AS3MT: variants seen among roughly 807,000 people sequenced by gnomAD.
AS3MT encodes S-adenosyl-L-methionine:arsenic(III) methyltransferase.
AS3MT carries 47 observed loss-of-function variants against 45.3 expected under a neutral mutation model. That is an observed-to-expected ratio of 1.04 (90% confidence interval 0.82 to 1.32). The LOEUF (loss-of-function observed/expected upper bound fraction) is 1.32. AS3MT is among the 40% of genes most tolerant of loss of function. AS3MT has a pLI of 0.00. For synonymous variants in AS3MT, 141 were observed against 152.8 expected, an observed-to-expected ratio of 0.92 and a Z score of 0.57; for missense variants, 396 against 451.1, an observed-to-expected ratio of 0.88 and a Z score of 1.11.
chr10:102,879,062 G>C lies in AS3MT; in HGVS notation c.885+71G>C. ...GCCCTTGCTCCAGCTATCTTTTCTTGACTTTGCATTGCCTCCCATTTTTCT... is the reference window on the plus strand; with the variant it reads ...GCCCTTGCTCCAGCTATCTTTTCTTCACTTTGCATTGCCTCCCATTTTTCT... On this transcript the variant is annotated intron_variant, in intron 9 of 10. Coordinates refer to ENST00000369880, the MANE Select transcript of AS3MT (RefSeq NM_020682.4). The C allele has an allele frequency of 2.0e-6, 3 of 1,492,326 alleles. No homozygotes were observed. In the South Asian group the frequency reaches 3.9e-5, roughly 19 times the overall value. The allele number at this position is 1,492,326 out of a possible 1,614,324, so 92.4% of individuals were successfully genotyped here.
chr10:102,889,614 G>GCCTGCCTGCCTTCCTTCCTTCCTT (rs559139049), intron 9 of AS3MT, among the ~76,000 whole-genome samples: 7 of 113,954 alleles, frequency 6.1e-5, no homozygotes, highest in Admixed American at 2.0e-4. Flanking sequence ...CTGTCTGCCT[G>GCCTGCCTGCCTTCCTTCCTTCCTT]CCTTCCTTCC....
At chr10:102,878,580 G>C (rs1844824333) in intron 8 of AS3MT, 70 bp downstream of exon 8, 1 of 1,570,180 alleles carries the variant, frequency 6.4e-7, no homozygotes, top group South Asian at 1.1e-5. Context: ...TGATTAGTAA[G>C]TAACTTCTGA....
chr10:102,869,746 T>G, intron 1 of AS3MT, 59 bp from the exon 2 acceptor site: 4 of 1,611,630 alleles, frequency 2.5e-6, no homozygotes, highest in Non-Finnish European at 3.4e-6. Context: ...ACTGGCCCCC[T>G]CCCTCATGCC....
chr10:102,878,234 GA>G, intron 7 of AS3MT, 144 bp from the exon 8 acceptor site: 2 of 1,180,394 alleles, frequency 1.7e-6, no homozygotes, highest in Non-Finnish European at 2.3e-6. Flanking sequence ...CTAGACCTTG[GA>G]GGGATGCTCA....
intron 4 of AS3MT, among the ~76,000 whole-genome samples, 177 bp from the exon 5 acceptor site, chr10:102,872,920 C>T (rs556727259): frequency 1.6e-4 from 25 of 152,240 alleles, no homozygotes; most frequent in African/African-American, 4.3e-4. Context: ...CCAAACTGCA[C>T]GGGCAGCAGG....
intron 7 of AS3MT, among the ~76,000 whole-genome samples, chr10:102,878,041 G>A (rs912606759): frequency 7.2e-5 from 11 of 152,064 alleles, no homozygotes; most frequent in East Asian, 5.8e-4. Flanking sequence ...ATGAGCCACC[G>A]CGCTCGGCCT....
intron 3 of AS3MT, among the ~76,000 whole-genome samples, 181 bp from the exon 4 acceptor site, chr10:102,872,267 C>T (rs781444347): frequency 3.9e-5 from 6 of 152,208 alleles, no homozygotes; most frequent in Non-Finnish European, 7.3e-5. Context: ...GATACAGTCC[C>T]AGCCTTCATG....
chr10:102,879,680 A>G (rs189096958), intron 9 of AS3MT, among the ~76,000 whole-genome samples: 10 of 151,198 alleles, frequency 6.6e-5, no homozygotes, highest in Non-Finnish European at 8.8e-5. Context: ...GAGGCAGGAG[A>G]ATTGCATGAA....
chr10:102,901,283 TC>T lies in AS3MT; in HGVS notation c.*585del, dbSNP rs1442520067. ...ATCTCAACTCACTGCAAGCTCCACC[TC>T]CTGGGTTCACGCCATTCTCCTGCCT... On this transcript the variant is annotated 3_prime_UTR_variant, in exon 11 of 11. Coordinates refer to ENST00000369880, the MANE Select transcript of AS3MT (RefSeq NM_020682.4). 2 of 151,778 alleles carry T rather than the reference TC, an allele frequency of 1.3e-5. No individual in the cohort carries two copies. Among genetic ancestry groups the T allele is most frequent in the Non-Finnish European group, 2.9e-5 (2 of 68,014 alleles). The allele number at this position is 151,778 out of a possible 1,614,324, so 9.4% of individuals were successfully genotyped here.
intron 5 of AS3MT, 132 bp from the exon 6 acceptor site, chr10:102,874,460 A>C: frequency 1.6e-6 from 1 of 637,422 alleles, no homozygotes; most frequent in Non-Finnish European, 2.8e-6. Flanking sequence ...AGGCATTAGA[A>C]AGAGAGGAGG....
chr10:102,901,489 G>A lies in AS3MT; in HGVS notation c.*789G>A, dbSNP rs1140107. The A allele has an allele frequency of 6.6e-6, 1 of 152,070 alleles. No homozygotes were observed. The highest frequency in any genetic ancestry group is 6.6e-5 in the Admixed American group (1 of 15,254). The allele number at this position is 152,070 out of a possible 1,614,324, so 9.4% of individuals were successfully genotyped here. ...ATTACAAGCATGAGCCACTGCGCCC[G>A]GCCATAAATGAATTATTTTTAAGAG... On this transcript the variant is annotated 3_prime_UTR_variant, in exon 11 of 11. Coordinates refer to ENST00000369880, the MANE Select transcript of AS3MT (RefSeq NM_020682.4).
At position 102,888,491 on chromosome 10, in the gene AS3MT, G is replaced by A. The variant is rs568294758; in HGVS notation, c.886-2053G>A. ...GGCTGGAGTGCAATGGCGCAATCTC[G>A]GCTCACTGCAACCTCCACCTCCCGG... is the stretch of plus-strand genomic sequence containing the variant. On this transcript the variant is annotated intron_variant, in intron 9 of 10. Coordinates refer to ENST00000369880, the MANE Select transcript of AS3MT (RefSeq NM_020682.4). Among the ~76,000 whole-genome samples, 53 of 151,514 alleles carry A rather than the reference G, an allele frequency of 3.5e-4. 2 individuals carry two copies. In the South Asian group the frequency reaches 9.8e-3, roughly 28 times the overall value.
Position 102,895,756 on chromosome 10 carries a change from CA to C in AS3MT, c.1021-4831del, listed in dbSNP as rs372709812. On this transcript the variant is annotated intron_variant, in intron 10 of 10. Coordinates refer to ENST00000369880, the MANE Select transcript of AS3MT (RefSeq NM_020682.4). Reference sequence around the variant, plus strand: ...TCTCAAAAAAACAAAAACAAATAAACAAAAAACCCCAATAATACCAGCTTTT... The same window carrying C: ...TCTCAAAAAAACAAAAACAAATAAACAAAAACCCCAATAATACCAGCTTTT... Among the ~76,000 whole-genome samples, 61 of 150,666 alleles carry C rather than the reference CA, an allele frequency of 4.0e-4. No individual in the cohort carries two copies. The East Asian group carries it at 0.011, about 27-fold the overall frequency.
intron 10 of AS3MT, among the ~76,000 whole-genome samples, chr10:102,896,843 C>A (rs1174574800): frequency 6.6e-6 from 1 of 150,992 alleles, no homozygotes; most frequent in African/African-American, 2.4e-5. Context: ...ACTTTCTTTG[C>A]TTTATTAAAT....
intron 3 of AS3MT, 95 bp from the exon 4 acceptor site, chr10:102,872,353 C>A (rs974515423): frequency 2.3e-6 from 3 of 1,289,870 alleles, no homozygotes; most frequent in East Asian, 2.3e-5. Context: ...AAGGAAGGAA[C>A]GGAGGGAGGG....
intron 1 of AS3MT, 48 bp from the exon 2 acceptor site, chr10:102,869,757 C>T: frequency 1.9e-6 from 3 of 1,613,704 alleles, no homozygotes; most frequent in Non-Finnish European, 2.5e-6. Flanking sequence ...CCCTCATGCC[C>T]GTCCCTCAGC....
chr10:102,893,533 T>C (rs1564795868), intron 10 of AS3MT, among the ~76,000 whole-genome samples: 1 of 149,220 alleles, frequency 6.7e-6, no homozygotes, highest in Non-Finnish European at 1.5e-5. Flanking sequence ...TCTTGCTCTG[T>C]TGCCCAGGCT....
rs1370594110 is a variant in AS3MT at position 102,878,519 on chromosome 10, T to C, written c.742+9T>C. On this transcript the variant is annotated intron_variant, in intron 8 of 10. Coordinates refer to ENST00000369880, the MANE Select transcript of AS3MT (RefSeq NM_020682.4). ...ACTGGAAAGAGTTATCGGTAAGATATGACAGACAGCAGGGACTATTATAAC... is the reference window on the plus strand; with the variant it reads ...ACTGGAAAGAGTTATCGGTAAGATACGACAGACAGCAGGGACTATTATAAC... 2.5e-6 allele frequency: 4 copies of C among 1,613,560 alleles called. No homozygotes were observed. The Admixed American group carries it at 5.0e-5, about 20-fold the overall frequency.
Position 102,874,623 on chromosome 10 carries a change from A to G in AS3MT, c.490A>G (p.Lys164Glu). The change falls in exon 6 of 11, where the codon AAA (lysine) becomes GAA (glutamate). Residue 164 changes from lysine to glutamate, a missense_variant. Coordinates refer to ENST00000369880, the MANE Select transcript of AS3MT (RefSeq NM_020682.4). ...CTGTGTTATTAACCTTGTGCCTGAT[A>G]AACAACAAGTGCTTCAGGAGGCATA... ...SNCVINLVPD[K>E]QQVLQEAYRV... 1.2e-6 allele frequency: 2 copies of G among 1,610,154 alleles called. No homozygotes were observed. Among genetic ancestry groups the G allele is most frequent in the South Asian group, 2.2e-5 (2 of 90,274 alleles).
Sources: allele counts gnomAD v4.1 joint callset (sites outside exome capture counted in the v4.1 genomes callset), GRCh38; gene constraint gnomAD v4.1.1; transcripts MANE v1.5; gene names NCBI Gene and HGNC (gene_info 2026-07-23, HGNC 2026-07-21).